The following TMTC1 variants were observed in gnomAD, a reference collection of about 807,000 sequenced individuals.
TMTC1 encodes the protein protein O-mannosyl-transferase TMTC1.
A neutral mutation model predicts 104.8 loss-of-function variants in TMTC1; 73 were observed. The observed-to-expected ratio is 0.70, with a 90% CI of 0.58 to 0.85. TMTC1 has a LOEUF of 0.85. TMTC1 is among the 40% of genes least tolerant of loss of function. The pLI, the probability that TMTC1 is intolerant of heterozygous loss-of-function variation, is 0.00. For missense variants in TMTC1, 1,035 were observed against 1,096.1 expected, an observed-to-expected ratio of 0.94 and a Z score of 0.79; for synonymous variants, 434 against 428.7, an observed-to-expected ratio of 1.01 and a Z score of -0.15.
chr12:29,532,203 C>T (rs1360205820), intron 11 of TMTC1, among the ~76,000 whole-genome samples: 1 of 152,072 alleles, frequency 6.6e-6, no homozygotes, highest in Non-Finnish European at 1.5e-5. Flanking sequence ...GGTCCATATG[C>T]CATTTTCATT....
chr12:29,643,465 T>C (rs117694429), intron 5 of TMTC1, among the ~76,000 whole-genome samples: 4,792 of 84,014 alleles, frequency 0.057, 194 homozygotes, highest in South Asian at 0.1. Flanking sequence ...TATGATGGAA[T>C]ATATATATGA....
In TMTC1 at chr12:29,648,829, C is replaced by A. The variant is rs566986937; in HGVS notation, c.939-15493G>T. Among the ~76,000 whole-genome samples, 3 of 152,210 alleles carry A rather than the reference C, an allele frequency of 2.0e-5. No individual in the cohort carries two copies. The East Asian group carries it at 5.8e-4, about 29-fold the overall frequency. ...AAATATTATCATTTCAGTAGATAATCAATGTAAAAATTATGAATGGGATTT... is the reference window on the plus strand; with the variant it reads ...AAATATTATCATTTCAGTAGATAATAAATGTAAAAATTATGAATGGGATTT... On this transcript the variant is annotated intron_variant, in intron 5 of 17. Coordinates refer to ENST00000539277, the MANE Select transcript of TMTC1 (RefSeq NM_001193451.2).
chr12:29,543,447 C>A (rs1277574284), intron 10 of TMTC1, among the ~76,000 whole-genome samples: 1 of 152,060 alleles, frequency 6.6e-6, no homozygotes, highest in Non-Finnish European at 1.5e-5. Context: ...GTAGGAAATG[C>A]CAGTAACAGA....
Position 29,699,823 on chromosome 12 carries a change from T to C in TMTC1, c.938+51843A>G, listed in dbSNP as rs1565778563. On this transcript the variant is annotated intron_variant, in intron 5 of 17. Transcript: ENST00000539277. ...CCCAGCTAATTTTTTACTTTTATTT[T>C]GTAGAGATGGGTCTCACGACATTGC... 1.3e-5 allele frequency among the ~76,000 whole-genome samples: 2 copies of C among 151,714 alleles called. 1 individual carries two copies.
At chr12:29,573,057 C>A (rs529410177) in intron 8 of TMTC1, among the ~76,000 whole-genome samples, 1 of 152,248 alleles carries the variant, frequency 6.6e-6, no homozygotes, top group Non-Finnish European at 1.5e-5. Flanking sequence ...GTGAAAGACT[C>A]TCTCTCGCTC....
chr12:29,758,567 G>C, intron 3 of TMTC1, 137 bp downstream of exon 3: 1 of 869,798 alleles, frequency 1.1e-6, no homozygotes, highest in South Asian at 1.4e-5. Flanking sequence ...CAAGCAGAGA[G>C]TTTCCTATTC....
chr12:29,659,782 T>A, intron 5 of TMTC1: 3 of 853,428 alleles, frequency 3.5e-6, no homozygotes, highest in Non-Finnish European at 5.3e-6. Flanking sequence ...ACATGGAGGA[T>A]AGACCCCAAT....
At chr12:29,685,930 TAAA>T (rs74950953) in intron 5 of TMTC1, among the ~76,000 whole-genome samples, 1,564 of 129,178 alleles carry the variant, frequency 0.012, 31 homozygotes, top group African/African-American at 0.04. Context: ...GCAAGATTGT[TAAA>T]AAAAAAAAAA....
rs112225567 is a variant in TMTC1, at chr12:29,659,020, T to C, written c.939-25684A>G. On this transcript the variant is annotated intron_variant, in intron 5 of 17. Transcript: ENST00000539277. ...GATCAGCATTACTTCTTGACCCAAA[T>C]CCCTCAGAACTCTTAAGGACAAATG... is the stretch of plus-strand genomic sequence containing the variant. Among the ~76,000 whole-genome samples, 975 of 152,276 alleles carry C rather than the reference T, an allele frequency of 6.4e-3. 12 individuals carry two copies. Among genetic ancestry groups the C allele is most frequent in the African/African-American group, 0.023 (942 of 41,564 alleles).
chr12:29,504,140 G>C lies in TMTC1; in HGVS notation c.*2706C>G, dbSNP rs185502460. ...AAACAGACATTCAACTGAGCTCGGGGTGCTTCTGTATGCAAGGCCCTGTGG... is the reference window on the plus strand; with the variant it reads ...AAACAGACATTCAACTGAGCTCGGGCTGCTTCTGTATGCAAGGCCCTGTGG... On this transcript the variant is annotated 3_prime_UTR_variant, in exon 18 of 18. Coordinates refer to ENST00000539277, the MANE Select transcript of TMTC1 (RefSeq NM_001193451.2). The C allele has an allele frequency of 6.6e-6, 1 of 151,730 alleles. No individual in the cohort carries two copies. Among genetic ancestry groups the C allele is most frequent in the East Asian group, 1.9e-4 (1 of 5,150 alleles). 9.4% of individuals were successfully genotyped at this position (151,730 alleles called of 1,614,324 possible). A position where few individuals can be genotyped will look rare whatever the true frequency, so the allele number is the denominator to read the frequency against.
intron 5 of TMTC1, among the ~76,000 whole-genome samples, chr12:29,697,086 C>T (rs1297792314): frequency 6.6e-6 from 1 of 152,186 alleles, no homozygotes; most frequent in African/African-American, 2.4e-5. Flanking sequence ...ATTCTCAGAA[C>T]TTTGAGTAAT....
At chr12:29,520,777 A>G in intron 11 of TMTC1, 57 bp from the exon 12 acceptor site, 1 of 1,398,702 alleles carries the variant, frequency 7.1e-7, no homozygotes, top group Non-Finnish European at 9.9e-7. Flanking sequence ...AACCAACAAT[A>G]ACTGAATATT....
intron 5 of TMTC1, among the ~76,000 whole-genome samples, chr12:29,660,330 G>A (rs957768370): frequency 5.3e-5 from 8 of 152,198 alleles, no homozygotes; most frequent in Admixed American, 2.0e-4. Context: ...TGGCTCAGAC[G>A]ATAGCTGAAT....
At chr12:29,586,964 A>T (rs1946153043) in intron 7 of TMTC1, among the ~76,000 whole-genome samples, 1 of 152,124 alleles carries the variant, frequency 6.6e-6, no homozygotes, top group South Asian at 2.1e-4. Context: ...TGAGTTAGGG[A>T]GGATTCCCTC....
chr12:29,589,817 G>A (rs1039402234), intron 7 of TMTC1, among the ~76,000 whole-genome samples: 1 of 152,228 alleles, frequency 6.6e-6, no homozygotes, highest in African/African-American at 2.4e-5. Context: ...TATTTGCAGG[G>A]CATGCGGGCA....
intron 5 of TMTC1, among the ~76,000 whole-genome samples, chr12:29,640,311 A>C (rs1549412): frequency 0.75 from 114,066 of 152,068 alleles, 43,060 homozygotes; most frequent in East Asian, 0.85. Context: ...GGAGGCAGGA[A>C]CAGATGCAGC....
intron 5 of TMTC1, among the ~76,000 whole-genome samples, chr12:29,725,267 T>A (rs571538590): frequency 2.0e-5 from 3 of 152,068 alleles, no homozygotes; most frequent in African/African-American, 7.2e-5. Context: ...CCTCATGTGA[T>A]CCACCCACCT....
At chr12:29,746,402 A>T in intron 5 of TMTC1, among the ~76,000 whole-genome samples, 1 of 152,190 alleles carries the variant, frequency 6.6e-6, no homozygotes, top group East Asian at 1.9e-4. Context: ...TCACCTGCAA[A>T]TCTCATATCA....
At chr12:29,658,410 A>G (rs189945531) in intron 5 of TMTC1, 5 of 152,352 alleles carry the variant, frequency 3.3e-5, no homozygotes, top group African/African-American at 1.2e-4. Context: ...AGGTTCCAGT[A>G]GGCCAGACTC....
Sources: allele counts gnomAD v4.1 joint callset (sites outside exome capture counted in the v4.1 genomes callset), GRCh38; gene constraint gnomAD v4.1.1; transcripts MANE v1.5; gene names NCBI Gene and HGNC (gene_info 2026-07-23, HGNC 2026-07-21).